The following CFAP70 variants were observed in gnomAD, a reference collection of about 807,000 sequenced individuals.
CFAP70 encodes the protein cilia- and flagella-associated protein 70.
A neutral mutation model predicts 137.6 loss-of-function variants in CFAP70; 81 were observed. The observed-to-expected ratio is 0.59, with a 90% CI of 0.49 to 0.71. The LOEUF is 0.71. Among genes scored for constraint, CFAP70 ranks in the 30% least tolerant of loss-of-function variants. The pLI is 0.00. For synonymous variants in CFAP70, 382 were observed against 423.6 expected, an observed-to-expected ratio of 0.90 and a Z score of 1.20; for missense variants, 976 against 1,226.7, an observed-to-expected ratio of 0.80 and a Z score of 3.05.
At chr10:73,347,780 G>A (rs1184001988) in intron 4 of CFAP70, among the ~76,000 whole-genome samples, 1 of 152,084 alleles carries the variant, frequency 6.6e-6, no homozygotes, top group Non-Finnish European at 1.5e-5. Context: ...TCAGTGAGAG[G>A]CATGCTACCA....
intron 19 of CFAP70, among the ~76,000 whole-genome samples, chr10:73,285,098 T>C (rs1441002028): frequency 6.6e-6 from 1 of 151,840 alleles, no homozygotes; most frequent in African/African-American, 2.4e-5. Context: ...CTGAGACAAA[T>C]TAAATGGAAC....
intron 25 of CFAP70, 58 bp downstream of exon 26, chr10:73,269,556 C>T (rs2046067975): frequency 7.9e-7 from 1 of 1,259,134 alleles, no homozygotes; most frequent in East Asian, 2.3e-5. Context: ...CCCTTGCTTA[C>T]TTGACCCCTC....
intron 23 of CFAP70, among the ~76,000 whole-genome samples, chr10:73,273,384 A>C (rs549729615): frequency 6.6e-6 from 1 of 152,356 alleles, no homozygotes; most frequent in South Asian, 2.1e-4. Flanking sequence ...TGGCATGACA[A>C]ACATACAATC....
chr10:73,316,475 TATATAG>T (rs1301680639), intron 9 of CFAP70, among the ~76,000 whole-genome samples: 40 of 116,310 alleles, frequency 3.4e-4, no homozygotes, highest in East Asian at 1.9e-3. Flanking sequence ...TATATATATA[TATATAG>T]ATATAGATAT....
In CFAP70 at chr10:73,275,456, A is replaced by T; in HGVS notation, c.2663T>A (p.Met888Lys). Residue 888 changes from methionine (M) to lysine (K), a missense_variant, in exon 22 of 27, where the codon ATG (methionine) becomes AAG (lysine). Coordinates refer to ENST00000310715, the Ensembl canonical transcript of CFAP70. This position sits in a 1 kb window ranked among gnomAD's most constrained non-coding sequence, Gnocchi z 4.0. The stretch of plus-strand genomic sequence containing the variant: ...AGCAAAAGTCATTACCAGGTAGTCC[A>T]TCTGGGCTGCTTGTTGAAGGTATTC... 1 of 1,605,386 alleles carries T rather than the reference A, an allele frequency of 6.2e-7. No homozygotes were observed. The highest frequency in any genetic ancestry group is 8.5e-7 in the Non-Finnish European group (1 of 1,176,782).
intron 19 of CFAP70, among the ~76,000 whole-genome samples, chr10:73,282,495 G>T (rs1190556778): frequency 6.6e-6 from 1 of 152,150 alleles, no homozygotes; most frequent in Non-Finnish European, 1.5e-5. Flanking sequence ...CTGCCAAAAG[G>T]ACATTAAAAC....
At chr10:73,299,537 A>G (rs1394993964) in intron 13 of CFAP70, 68 bp downstream of exon 14, 14 of 1,292,890 alleles carry the variant, frequency 1.1e-5, no homozygotes, top group Admixed American at 5.4e-5. Flanking sequence ...TAAAGAGTCC[A>G]TGCAATTAAC....
intron 1 of CFAP70, among the ~76,000 whole-genome samples, chr10:73,356,951 GA>G (rs2054728426): frequency 6.6e-6 from 1 of 152,134 alleles, no homozygotes; most frequent in South Asian, 2.1e-4. Context: ...GGATACAAGA[GA>G]TAAGATGTGA....
chr10:73,348,804 T>C (rs1015785932), intron 3 of CFAP70, among the ~76,000 whole-genome samples: 1 of 152,198 alleles, frequency 6.6e-6, no homozygotes, highest in African/African-American at 2.4e-5. Context: ...GGCTCACACC[T>C]GTAATCCCAG....
At chr10:73,295,013 T>C (rs991552722) in intron 15 of CFAP70, 1 of 152,256 alleles carries the variant, frequency 6.6e-6, no homozygotes, top group Admixed American at 6.5e-5. Context: ...CAAGTCTTTT[T>C]CATCTTAAAA....
rs563065077 is a variant in CFAP70 at position 73,299,955 on chromosome 10, A to G, written c.1257-290T>C. Among the ~76,000 whole-genome samples the G allele has an allele frequency of 2.0e-5, 3 of 152,302 alleles. No homozygotes were observed. The South Asian group carries it at 6.2e-4, about 32-fold the overall frequency. On this transcript the variant is annotated intron_variant, in intron 12 of 26. Transcript: ENST00000310715. ...CCCTGGCTTTACCCTTACGTATTTA[A>G]AAACTTGTGGTATACAAGGGCTGTT...
At chr10:73,286,556 C>T (rs1041882630) in intron 19 of CFAP70, among the ~76,000 whole-genome samples, 2 of 152,112 alleles carry the variant, frequency 1.3e-5, no homozygotes, top group African/African-American at 4.8e-5. Context: ...ACAAGGATAC[C>T]TGACAATATG....
chr10:73,358,258 C>A (rs1199469530), intron 1 of CFAP70, among the ~76,000 whole-genome samples: 5 of 152,190 alleles, frequency 3.3e-5, no homozygotes, highest in African/African-American at 4.8e-5. Context: ...GCGTTCGCGT[C>A]GTGTTTGAAT....
At chr10:73,353,567 T>C in exon 3 of CFAP70, 1 of 1,614,066 alleles carries the variant, frequency 6.2e-7, no homozygotes, top group Non-Finnish European at 8.5e-7. Flanking sequence ...GAACACAGGT[T>C]TGTGAGCGAG....
chr10:73,330,701 CAG>C (rs1471040552), intron 8 of CFAP70, among the ~76,000 whole-genome samples: 1 of 151,964 alleles, frequency 6.6e-6, no homozygotes, highest in Non-Finnish European at 1.5e-5. Flanking sequence ...CCCCTACTCT[CAG>C]GGAGTTTATG....
intron 9 of CFAP70, among the ~76,000 whole-genome samples, chr10:73,317,063 T>G (rs4366410): frequency 0.11 from 16,099 of 152,262 alleles, 1,233 homozygotes; most frequent in East Asian, 0.3. Context: ...TCTCACTCTG[T>G]CATCTAGGCT....
intron 21 of CFAP70, chr10:73,276,419 G>T (rs987969754): frequency 3.9e-5 from 6 of 152,160 alleles, no homozygotes; most frequent in African/African-American, 1.4e-4. Flanking sequence ...AGAGGGAACA[G>T]CTGCAGCTAT....
At chr10:73,305,093 G>C (rs2049275482) in intron 12 of CFAP70, among the ~76,000 whole-genome samples, 1 of 152,222 alleles carries the variant, frequency 6.6e-6, no homozygotes, top group Non-Finnish European at 1.5e-5. Flanking sequence ...CCTGATTCTG[G>C]AGGAAGCAGA....
intron 9 of CFAP70, among the ~76,000 whole-genome samples, chr10:73,313,542 C>CA (rs35177327): frequency 0.041 from 3,670 of 90,124 alleles, 70 homozygotes; most frequent in Middle Eastern, 0.061. Context: ...GACTCTGTCT[C>CA]AAAAAAAAAA....
Sources: allele counts gnomAD v4.1 joint callset (sites outside exome capture counted in the v4.1 genomes callset), GRCh38; gene constraint gnomAD v4.1.1; non-coding constraint Gnocchi (gnomAD v3.1); transcripts MANE v1.5; gene names NCBI Gene and HGNC (gene_info 2026-07-23, HGNC 2026-07-21).